The following TLCD4 variants were observed in gnomAD, a reference collection of about 807,000 sequenced individuals.
The protein encoded by TLCD4 is TLC domain containing 4.
TLCD4 carries 7 observed loss-of-function variants against 24.2 expected under a neutral mutation model. That is an observed-to-expected ratio of 0.29 (90% CI 0.16 to 0.54). The LOEUF (loss-of-function observed/expected upper bound fraction) is 0.54. Among genes scored for constraint, TLCD4 ranks in the 20% least tolerant of loss-of-function variants. The probability of loss-of-function intolerance (pLI) is 0.95; values close to 1 mark genes in which losing one functional copy is unlikely to be tolerated. For missense variants in TLCD4, 259 were observed against 313.9 expected, an observed-to-expected ratio of 0.82 and a Z score of 1.32; for synonymous variants, 103 against 106.4, an observed-to-expected ratio of 0.97 and a Z score of 0.20.
rs1257286982 is a variant in TLCD4 at position 95,117,554 on chromosome 1, G to GC, written c.-73dup. The GC allele has an allele frequency of 2.0e-5, 3 of 153,160 alleles. No homozygotes were observed. The highest frequency in any genetic ancestry group is 7.2e-5 in the African/African-American group (3 of 41,404). 9.5% of individuals were successfully genotyped at this position (153,160 alleles called of 1,614,324 possible). ...GATGAGCAGACTCCTGTAGACACCC[G>GC]CCGCCCTCTCCCGGCTCGGCGCAGC... On this transcript the variant is annotated 5_prime_UTR_variant, in exon 1 of 7. Coordinates refer to ENST00000370203, the MANE Select transcript of TLCD4 (RefSeq NM_152487.3).
chr1:95,115,088 T>TTATATATATACACA (rs1553167768), upstream of TLCD4, among the ~76,000 whole-genome samples: 1 of 143,848 alleles, frequency 7.0e-6, no homozygotes, highest in African/African-American at 2.5e-5. Context: ...TATATACACA[T>TTATATATATACACA]TATATATATA....
chr1:95,189,122 C>G (rs1678936608), intron 6 of TLCD4, among the ~76,000 whole-genome samples: 1 of 152,144 alleles, frequency 6.6e-6, no homozygotes, highest in Admixed American at 6.5e-5. Flanking sequence ...AATGAGAAAC[C>G]TGGTTCCCAC....
intron 6 of TLCD4, among the ~76,000 whole-genome samples, chr1:95,174,785 A>T (rs1175630187): frequency 6.6e-6 from 1 of 152,078 alleles, no homozygotes; most frequent in Non-Finnish European, 1.5e-5. Context: ...GTGAATTATT[A>T]TTATTTTTGA....
At chr1:95,125,354 T>A (rs776993977) in intron 1 of TLCD4, among the ~76,000 whole-genome samples, 30 of 152,230 alleles carry the variant, frequency 2.0e-4, no homozygotes, top group Non-Finnish European at 4.1e-4. Flanking sequence ...TCTAGATTTT[T>A]TGACTGTCTG....
At chr1:95,165,099 T>A (rs1677968422) in intron 5 of TLCD4, 1 of 152,264 alleles carries the variant, frequency 6.6e-6, no homozygotes, top group Admixed American at 6.5e-5. Context: ...GGGCTCCCTG[T>A]CATTCCAATC....
chr1:95,119,892 G>C (rs560434502), intron 1 of TLCD4, among the ~76,000 whole-genome samples: 2 of 150,874 alleles, frequency 1.3e-5, no homozygotes, highest in South Asian at 2.1e-4. Flanking sequence ...GGGATACTCA[G>C]TTTGGCTGAG....
At chr1:95,135,185 A>G (rs1015517699) in intron 1 of TLCD4, among the ~76,000 whole-genome samples, 12 of 152,154 alleles carry the variant, frequency 7.9e-5, no homozygotes, top group Non-Finnish European at 2.9e-5. Flanking sequence ...ATTAAATTCA[A>G]TTTTAGACCC....
chr1:95,126,001 A>G lies in TLCD4; in HGVS notation c.-12+8384A>G, dbSNP rs12130405. Among the ~76,000 whole-genome samples the G allele has an allele frequency of 3.1e-5, 4 of 127,316 alleles. No individual in the cohort carries two copies. In the South Asian group the frequency reaches 1.1e-3, roughly 34 times the overall value. 83.5% of individuals were successfully genotyped at this position (127,316 alleles called of 152,430 possible). ...ACGCCATCTCTATTAAAAAAAAAAA[A>G]GGAAAAGAGGCCAGGTGCAGTGGCT... On this transcript the variant is annotated intron_variant, in intron 1 of 6. Transcript: ENST00000370203.
At chr1:95,170,808 A>G (rs1341676819) in intron 5 of TLCD4, among the ~76,000 whole-genome samples, 7 of 152,166 alleles carry the variant, frequency 4.6e-5, no homozygotes, top group Non-Finnish European at 7.3e-5. Flanking sequence ...AGATAGCAAA[A>G]AAACAGAACA....
chr1:95,155,586 T>C (rs1469148448), intron 5 of TLCD4, among the ~76,000 whole-genome samples: 2 of 152,094 alleles, frequency 1.3e-5, no homozygotes, highest in African/African-American at 2.4e-5. Flanking sequence ...CTGAATCTTA[T>C]CTAATGGCCA....
chr1:95,119,096 T>G (rs532817186), intron 1 of TLCD4, among the ~76,000 whole-genome samples: 26 of 152,342 alleles, frequency 1.7e-4, no homozygotes, highest in Non-Finnish European at 2.9e-4. Context: ...GTATTAGATT[T>G]CCATTTATAT....
intron 1 of TLCD4, among the ~76,000 whole-genome samples, chr1:95,126,334 A>G (rs1676733534): frequency 6.6e-6 from 1 of 151,034 alleles, no homozygotes; most frequent in African/African-American, 2.4e-5. Flanking sequence ...AGGCTGAGGC[A>G]GGAGAGTTGC....
the TLCD4 span, among the ~76,000 whole-genome samples, chr1:95,096,333 C>T: frequency 1.3e-5 from 2 of 152,130 alleles, no homozygotes; most frequent in Admixed American, 1.3e-4. Context: ...GTTTTCCGGC[C>T]TTAGGTGTAG....
intron 1 of TLCD4, among the ~76,000 whole-genome samples, chr1:95,142,130 CTT>C (rs35609217): frequency 1.7e-5 from 2 of 119,274 alleles, no homozygotes; most frequent in Non-Finnish European, 1.7e-5. Flanking sequence ...GCCTTAGTGC[CTT>C]TTTTTTTTTT....
intron 6 of TLCD4, among the ~76,000 whole-genome samples, chr1:95,175,022 C>T (rs902246027): frequency 2.6e-5 from 4 of 152,278 alleles, no homozygotes; most frequent in Non-Finnish European, 4.4e-5. Context: ...TTGATCCACC[C>T]GCTTTGGCCT....
chr1:95,118,952 G>T (rs574884662), intron 1 of TLCD4, among the ~76,000 whole-genome samples: 2 of 151,598 alleles, frequency 1.3e-5, no homozygotes, highest in South Asian at 4.2e-4. Flanking sequence ...TTTTTTCTAC[G>T]CCTGCAACTC....
chr1:95,128,613 C>A (rs1276264777), intron 1 of TLCD4, among the ~76,000 whole-genome samples: 1 of 152,058 alleles, frequency 6.6e-6, no homozygotes, highest in Admixed American at 6.6e-5. Context: ...AGCCTCCTAC[C>A]CTTGCTGTGT....
chr1:95,118,829 C>T (rs572859683), intron 1 of TLCD4, among the ~76,000 whole-genome samples: 2 of 152,224 alleles, frequency 1.3e-5, no homozygotes, highest in Admixed American at 6.5e-5. Flanking sequence ...AGTGTATTCC[C>T]GCCGTGTTAG....
chr1:95,118,151 G>C (rs904792997), intron 1 of TLCD4: 3 of 152,254 alleles, frequency 2.0e-5, no homozygotes, highest in African/African-American at 7.2e-5. Context: ...TACCCTTGCA[G>C]TTCTCAAGTG....
Sources: allele counts gnomAD v4.1 joint callset (sites outside exome capture counted in the v4.1 genomes callset), GRCh38; gene constraint gnomAD v4.1.1; transcripts MANE v1.5; gene names NCBI Gene and HGNC (gene_info 2026-07-23, HGNC 2026-07-21).